GLT1D1: variants seen among roughly 807,000 people sequenced by gnomAD.
GLT1D1 encodes the protein glycosyltransferase 1 domain-containing protein 1.
Under a neutral mutation model 28.7 loss-of-function variants are expected in GLT1D1, and 21 were observed. The ratio of observed to expected loss-of-function variants is 0.73; its 90% CI spans 0.52 to 1.05. The LOEUF (loss-of-function observed/expected upper bound fraction) is 1.05. Among genes scored for constraint, GLT1D1 ranks in the 50% least tolerant of loss-of-function variants. GLT1D1 has a pLI of 0.00. For missense variants in GLT1D1, 343 were observed against 330.6 expected (o/e 1.04, Z -0.29); for synonymous variants, 147 against 124.8 (o/e 1.18, Z -1.19).
intron 3 of GLT1D1, 108 bp downstream of exon 3, chr12:128,888,852 G>A: frequency 2.8e-6 from 2 of 702,734 alleles, no homozygotes; most frequent in East Asian, 2.7e-5. Flanking sequence ...TTACATCTTA[G>A]CACTTAAAAC....
At chr12:128,890,245 T>C (rs1457611203) in intron 3 of GLT1D1, among the ~76,000 whole-genome samples, 1 of 152,298 alleles carries the variant, frequency 6.6e-6, no homozygotes, top group East Asian at 1.9e-4. Flanking sequence ...AAAACACGCC[T>C]TCTCTGCGCA....
At position 128,983,064 on chromosome 12, in the gene GLT1D1, A is replaced by G. The variant is rs778402828; in HGVS notation, c.775A>G (p.Lys259Glu). 1 of 1,614,004 alleles carries G rather than the reference A, an allele frequency of 6.2e-7. No homozygotes were observed. Among genetic ancestry groups the G allele is most frequent in the African/African-American group, 1.3e-5 (1 of 74,928 alleles). The change falls in exon 8 of 8, where the codon AAG becomes GAG. Residue 259 changes from lysine (K) to glutamate (E), a missense_variant. Lys to Glu is a moderately conservative substitution (Grantham distance 56, BLOSUM62 1). Coordinates refer to ENST00000281703, the MANE Select transcript of GLT1D1 (RefSeq NM_144669.3). This position sits in a 1 kb window ranked among gnomAD's most constrained non-coding sequence, Gnocchi z 4.7. ...AGACACCTACCAACAGCTCATCAGG[A>G]AGCTGGAAGGAAGCACTGAAGATTG...
At chr12:128,855,746 CTTTTTTTTTT>C (rs34715979) in intron 1 of GLT1D1, among the ~76,000 whole-genome samples, 5 of 95,160 alleles carry the variant, frequency 5.3e-5, no homozygotes, top group Non-Finnish European at 9.8e-5. Flanking sequence ...TGCTGGTTGC[CTTTTTTTTTT>C]TTTTTTTTTT....
At chr12:128,911,446 C>A (rs1264737998) in intron 4 of GLT1D1, among the ~76,000 whole-genome samples, 1 of 152,248 alleles carries the variant, frequency 6.6e-6, no homozygotes, top group Non-Finnish European at 1.5e-5. Flanking sequence ...AAAGACCACA[C>A]TGTATCCCTA....
intron 2 of GLT1D1, among the ~76,000 whole-genome samples, chr12:128,876,798 A>G (rs1182377916): frequency 6.6e-6 from 1 of 152,248 alleles, no homozygotes. Flanking sequence ...AAAGAATATC[A>G]GAGTAAATTC....
chr12:128,860,754 T>C (rs1395579886), intron 1 of GLT1D1, among the ~76,000 whole-genome samples: 2 of 152,058 alleles, frequency 1.3e-5, no homozygotes, highest in African/African-American at 4.8e-5. Flanking sequence ...TGGCTGAATC[T>C]GGAGTGAGAG....
chr12:128,942,063 G>T (rs1875350433), intron 4 of GLT1D1, among the ~76,000 whole-genome samples: 1 of 151,170 alleles, frequency 6.6e-6, no homozygotes. Flanking sequence ...TTCATTTCAG[G>T]CTTTTGCTAA....
At chr12:128,952,240 G>A (rs1876766465) in intron 6 of GLT1D1, among the ~76,000 whole-genome samples, 2 of 151,864 alleles carry the variant, frequency 1.3e-5, no homozygotes, top group African/African-American at 2.4e-5. Flanking sequence ...AGGAGGAAGC[G>A]CAGCAGCACG....
intron 3 of GLT1D1, among the ~76,000 whole-genome samples, chr12:128,892,797 G>T (rs761737418): frequency 6.6e-6 from 1 of 151,346 alleles, no homozygotes; most frequent in Non-Finnish European, 1.5e-5. Context: ...ATATTATATA[G>T]TATTCAAACT....
chr12:128,968,340 G>A (rs187564238), intron 7 of GLT1D1, among the ~76,000 whole-genome samples: 5 of 151,578 alleles, frequency 3.3e-5, no homozygotes, highest in African/African-American at 9.7e-5. Context: ...CTTATTGTAC[G>A]ATACTGGGAA....
chr12:128,947,331 G>A lies in GLT1D1; in HGVS notation c.420-7G>A, dbSNP rs1394784554. 6.2e-7 allele frequency: 1 copy of A among 1,613,804 alleles called. No homozygotes were observed. Among genetic ancestry groups the A allele is most frequent in the South Asian group, 1.1e-5 (1 of 91,060 alleles). On this transcript the variant is annotated splice_region_variant and splice_polypyrimidine_tract_variant and intron_variant, in intron 5 of 7. Coordinates refer to ENST00000281703, the MANE Select transcript of GLT1D1 (RefSeq NM_144669.3). ...ATCAGAGCCACTCTTCCTGCTTTGT[G>A]TTTCAGAGCCGCTGGGGTACGATTG... is the stretch of plus-strand genomic sequence containing the variant.
chr12:128,904,914 G>T (rs1484090548), intron 4 of GLT1D1, among the ~76,000 whole-genome samples: 8 of 152,022 alleles, frequency 5.3e-5, no homozygotes, highest in Non-Finnish European at 1.2e-4. Context: ...GATTACAGGT[G>T]ACTGCCACTA....
chr12:128,881,355 G>T (rs1957036916), intron 2 of GLT1D1, among the ~76,000 whole-genome samples: 1 of 147,388 alleles, frequency 6.8e-6, no homozygotes, highest in African/African-American at 2.5e-5. Context: ...GCATGGTGAA[G>T]CCCCGTCTCT....
At chr12:128,853,921 G>A (rs2135744091) in intron 1 of GLT1D1, among the ~76,000 whole-genome samples, 1 of 152,298 alleles carries the variant, frequency 6.6e-6, no homozygotes, top group African/African-American at 2.4e-5. Flanking sequence ...CAGGCCCGGA[G>A]CCTGTCGTGG....
chr12:128,945,297 C>G, intron 4 of GLT1D1, 29 bp from the exon 9 acceptor site: 1 of 1,613,030 alleles, frequency 6.2e-7, no homozygotes, highest in Non-Finnish European at 8.5e-7. Context: ...AGGCGGCGAC[C>G]GCTGACATTT....
chr12:128,873,829 C>CCCTT (rs1348412895), intron 1 of GLT1D1, among the ~76,000 whole-genome samples: 1 of 147,118 alleles, frequency 6.8e-6, no homozygotes, highest in Non-Finnish European at 1.5e-5. Flanking sequence ...CTTTCTTTCC[C>CCCTT]CCTTCCTTCC....
rs927405734 is a variant in GLT1D1 at position 128,983,681 on chromosome 12, T to A, written c.*591T>A. 4 of 152,256 alleles carry A rather than the reference T, an allele frequency of 2.6e-5. No individual in the cohort carries two copies. Among genetic ancestry groups the A allele is most frequent in the Non-Finnish European group, 5.9e-5 (4 of 68,100 alleles). The allele number at this position is 152,256 out of a possible 1,614,324, so 9.4% of individuals were successfully genotyped here. On this transcript the variant is annotated 3_prime_UTR_variant, in exon 8 of 8. Transcript: ENST00000281703. This position sits in a 1 kb window ranked among gnomAD's most constrained non-coding sequence, Gnocchi z 4.7. Reference sequence around the variant, plus strand: ...CAATGGTGGAATTGAAAGTTGTGCTTTTTAGAAAAGTGGCCAGGCTGCCCG... The same window carrying A: ...CAATGGTGGAATTGAAAGTTGTGCTATTTAGAAAAGTGGCCAGGCTGCCCG...
At chr12:128,926,833 G>C (rs1395427349) in intron 4 of GLT1D1, among the ~76,000 whole-genome samples, 1 of 152,172 alleles carries the variant, frequency 6.6e-6, no homozygotes, top group East Asian at 1.9e-4. Flanking sequence ...AGTCCACATT[G>C]AATTGGGGTG....
intron 1 of GLT1D1, among the ~76,000 whole-genome samples, chr12:128,856,707 C>G (rs988765551): frequency 1.1e-4 from 17 of 152,062 alleles, no homozygotes; most frequent in Admixed American, 7.2e-4. Context: ...CCAAATCTGG[C>G]TTGTACATGT....
Sources: gnomAD v4.1 joint callset for allele counts (sites outside exome capture counted in the v4.1 genomes callset) on GRCh38, gnomAD v4.1.1 for gene constraint, Gnocchi (gnomAD v3.1) non-coding constraint, MANE v1.5 for transcripts, NCBI Gene and HGNC (gene_info 2026-07-23, HGNC 2026-07-21) for gene names.